Variants in ZNF33B observed in about 807,000 individuals in gnomAD.
ZNF33B encodes the protein zinc finger protein 11b (KOX 2).
A neutral mutation model predicts 45.8 loss-of-function variants in ZNF33B; 29 were observed. That is an observed-to-expected ratio of 0.63 (90% confidence interval 0.47 to 0.86). The LOEUF (loss-of-function observed/expected upper bound fraction) is 0.86. Among genes scored for constraint, ZNF33B ranks in the 40% least tolerant of loss-of-function variants. The probability of loss-of-function intolerance (pLI) is 0.00; values close to 1 mark genes in which losing one functional copy is unlikely to be tolerated. For missense variants in ZNF33B, 831 were observed against 909.9 expected (o/e 0.91, Z 1.12); for synonymous variants, 305 against 307.8 (o/e 0.99, Z 0.10).
chr10:42,607,903 C>G (rs1036806913), intron 4 of ZNF33B, among the ~76,000 whole-genome samples: 4 of 152,022 alleles, frequency 2.6e-5, no homozygotes, highest in African/African-American at 9.7e-5. Flanking sequence ...ATTTGAAAAT[C>G]CAATCAAAAA....
intron 4 of ZNF33B, among the ~76,000 whole-genome samples, chr10:42,597,289 A>G (rs1363511739): frequency 6.6e-6 from 1 of 152,138 alleles, no homozygotes; most frequent in Non-Finnish European, 1.5e-5. Context: ...AAAAAGAAGT[A>G]TAGTAAAAAG....
chr10:42,607,271 A>C (rs1837900995), intron 4 of ZNF33B, among the ~76,000 whole-genome samples: 1 of 151,764 alleles, frequency 6.6e-6, no homozygotes, highest in South Asian at 2.1e-4. Flanking sequence ...ATAAATTTTC[A>C]AAGAGACATA....
intron 4 of ZNF33B, among the ~76,000 whole-genome samples, chr10:42,604,431 C>A (rs969629296): frequency 6.6e-6 from 1 of 151,750 alleles, no homozygotes; most frequent in Non-Finnish European, 1.5e-5. Flanking sequence ...GGTGACACAG[C>A]AAGACTGTAT....
intron 4 of ZNF33B, among the ~76,000 whole-genome samples, chr10:42,610,496 C>T (rs1477189166): frequency 6.6e-6 from 1 of 152,192 alleles, no homozygotes; most frequent in South Asian, 2.1e-4. Flanking sequence ...CAAGATCGCG[C>T]CATTGCACTC....
At chr10:42,582,875 T>C in intron 1 of ZNF33B, 1 of 407,660 alleles carries the variant, frequency 2.5e-6, no homozygotes, top group South Asian at 2.6e-5. Context: ...CCTCAGTGCA[T>C]CTCTTTGAAG....
intron 4 of ZNF33B, among the ~76,000 whole-genome samples, chr10:42,627,715 G>A (rs1335002884): frequency 6.6e-6 from 1 of 152,042 alleles, no homozygotes; most frequent in African/African-American, 2.4e-5. Context: ...TATTGATATG[G>A]TATGGTCTCA....
rs989562694 is a variant in ZNF33B at position 42,632,088 on chromosome 10, G to C, written c.155-64C>G. The stretch of plus-strand genomic sequence containing the variant: ...TCTAGACTTCAGGCCTTTGAAGCAG[G>C]AAGAAGCTTCTGGGGCTGCTTCAAG... On this transcript the variant is annotated intron_variant, in intron 3 of 4. Transcript: ENST00000359467. 22 of 1,555,640 alleles carry C rather than the reference G, an allele frequency of 1.4e-5. No individual in the cohort carries two copies. The African/African-American group carries it at 3.0e-4, about 21-fold the overall frequency.
At position 42,594,589 on chromosome 10, in the gene ZNF33B, C is replaced by T. The variant is rs181234985; in HGVS notation, c.361G>A (p.Val121Ile). 1 of 1,612,664 alleles carries T rather than the reference C, an allele frequency of 6.2e-7. No individual in the cohort carries two copies. Among genetic ancestry groups the T allele is most frequent in the Admixed American group, 1.7e-5 (1 of 59,792 alleles). The change falls in exon 5 of 5, where the codon GTA (valine) becomes ATA (isoleucine). Residue 121 changes from valine (V) to isoleucine (I), a missense_variant. Transcript: ENST00000359467. Reference protein sequence around the residue: ...NEMLTKEQGNVIGIPFNMDVS... With the variant: ...NEMLTKEQGNIIGIPFNMDVS... ...TCCATGTTAAATGGTATTCCTATTA[C>T]ATTACCTTGTTCCTTAGTCAGCATT...
At chr10:42,626,323 G>A (rs1838804098) in intron 4 of ZNF33B, among the ~76,000 whole-genome samples, 1 of 152,134 alleles carries the variant, frequency 6.6e-6, no homozygotes, top group Non-Finnish European at 1.5e-5. Flanking sequence ...GGGAGTATAG[G>A]TCTGTAGTTT....
At position 42,590,088 on chromosome 10, in the gene ZNF33B, T is replaced by C. The variant is rs1837051921; in HGVS notation, c.*2525A>G. On this transcript the variant is annotated 3_prime_UTR_variant, in exon 5 of 5. Coordinates refer to ENST00000359467, the MANE Select transcript of ZNF33B (RefSeq NM_006955.3). ...TTGAACTGCTAATGCATGCAATGGA[T>C]TGCACTGAATATCAAATGTTGAACA... 1 of 152,248 alleles carries C rather than the reference T, an allele frequency of 6.6e-6. No individual in the cohort carries two copies. The highest frequency in any genetic ancestry group is 6.5e-5 in the Admixed American group (1 of 15,278). 9.4% of individuals were successfully genotyped at this position (152,248 alleles called of 1,614,324 possible). A position where few individuals can be genotyped will look rare whatever the true frequency, so the allele number is the denominator to read the frequency against.
At chr10:42,610,412 C>T (rs1266383009) in intron 4 of ZNF33B, among the ~76,000 whole-genome samples, 2 of 152,148 alleles carry the variant, frequency 1.3e-5, no homozygotes, top group Non-Finnish European at 2.9e-5. Flanking sequence ...ATGGCATGTG[C>T]CTGTAGTCCT....
Position 42,590,517 on chromosome 10 carries a change from T to C in ZNF33B, c.*2096A>G, listed in dbSNP as rs1837077228. The stretch of plus-strand genomic sequence containing the variant: ...CTTCTGCCTCAGCCTCCTGAGTAGC[T>C]TGGACTATACACGCATGCCACCACG... On this transcript the variant is annotated 3_prime_UTR_variant, in exon 5 of 5. Transcript: ENST00000359467. 1 of 152,192 alleles carries C rather than the reference T, an allele frequency of 6.6e-6. No homozygotes were observed. The allele number at this position is 152,192 out of a possible 1,614,324, so 9.4% of individuals were successfully genotyped here. A position where few individuals can be genotyped will look rare whatever the true frequency, so the allele number is the denominator to read the frequency against.
In ZNF33B at chr10:42,592,493, T is replaced by C; in HGVS notation, c.*120A>G. 7.4e-7 allele frequency: 1 copy of C among 1,358,436 alleles called. No homozygotes were observed. Among genetic ancestry groups the C allele is most frequent in the Non-Finnish European group, 1.0e-6 (1 of 990,084 alleles). The allele number at this position is 1,358,436 out of a possible 1,614,324, so 84.1% of individuals were successfully genotyped here. A position where few individuals can be genotyped will look rare whatever the true frequency, so the allele number is the denominator to read the frequency against. The stretch of plus-strand genomic sequence containing the variant: ...CCCCTACTGTTACTTTGGAGTAACA[T>C]AAGGCGAGTTTGTGGATAGTTATTG... On this transcript the variant is annotated 3_prime_UTR_variant, in exon 5 of 5. Transcript: ENST00000359467.
intron 4 of ZNF33B, among the ~76,000 whole-genome samples, chr10:42,599,729 T>C (rs1443517581): frequency 1.3e-5 from 2 of 152,040 alleles, no homozygotes; most frequent in Non-Finnish European, 2.9e-5. Flanking sequence ...CAGGTGCTTC[T>C]ACCTTAAAAA....
At chr10:42,606,876 A>G (rs536852174) in intron 4 of ZNF33B, among the ~76,000 whole-genome samples, 1 of 152,070 alleles carries the variant, frequency 6.6e-6, no homozygotes, top group Non-Finnish European at 1.5e-5. Flanking sequence ...GCTTGGCATC[A>G]AAAGTGTTTC....
chr10:42,609,261 T>G (rs1185521139), intron 4 of ZNF33B, among the ~76,000 whole-genome samples: 1 of 151,744 alleles, frequency 6.6e-6, no homozygotes, highest in East Asian at 1.9e-4. Context: ...ATAAAAAAAT[T>G]ACAAAAAATT....
At chr10:42,601,468 G>GTTTTTTTT (rs57196690) in intron 4 of ZNF33B, among the ~76,000 whole-genome samples, 4 of 79,474 alleles carry the variant, frequency 5.0e-5, no homozygotes, top group African/African-American at 1.5e-4. Flanking sequence ...ACATGGGCTT[G>GTTTTTTTT]TTTTTTTTTT....
chr10:42,579,326 C>T (rs1039940726), intron 1 of ZNF33B, among the ~76,000 whole-genome samples: 4 of 152,056 alleles, frequency 2.6e-5, no homozygotes, highest in East Asian at 1.9e-4. Flanking sequence ...GAGCATAGAG[C>T]GCAACAGGTA....
intron 4 of ZNF33B, among the ~76,000 whole-genome samples, chr10:42,613,354 C>T (rs1483146602): frequency 6.6e-6 from 1 of 152,016 alleles, no homozygotes; most frequent in Non-Finnish European, 1.5e-5. Context: ...TCGTGACCAG[C>T]CTGTACAACA....
Sources: gnomAD v4.1 joint callset for allele counts (sites outside exome capture counted in the v4.1 genomes callset) on GRCh38, gnomAD v4.1.1 for gene constraint, MANE v1.5 for transcripts, NCBI Gene and HGNC (gene_info 2026-07-23, HGNC 2026-07-21) for gene names.